Variants in PALM2AKAP2 observed in about 807,000 individuals in gnomAD.
PALM2AKAP2 encodes PALM2-AKAP2 fusion protein.
In PALM2AKAP2, 37 loss-of-function variants were observed where a neutral mutation model predicts 71.5. The observed-to-expected ratio is 0.52, with a 90% CI of 0.40 to 0.68. PALM2AKAP2 has a LOEUF of 0.68. Ranked by LOEUF, PALM2AKAP2 falls within the 30% of genes least tolerant of loss-of-function variation. The pLI is 0.00. For missense variants in PALM2AKAP2, 1,224 were observed against 1,191.8 expected, an observed-to-expected ratio of 1.03 and a Z score of -0.40; for synonymous variants, 468 against 478.8, an observed-to-expected ratio of 0.98 and a Z score of 0.29.
intron 3 of PALM2AKAP2, among the ~76,000 whole-genome samples, chr9:109,923,289 T>C (rs1036430515): frequency 3.2e-4 from 49 of 152,328 alleles, no homozygotes; most frequent in African/African-American, 9.6e-4. Flanking sequence ...CACCAGCTAT[T>C]TCTTGGCAAC....
chr9:109,746,053 C>G (rs181258942), intron 1 of PALM2AKAP2, among the ~76,000 whole-genome samples: 1 of 152,212 alleles, frequency 6.6e-6, no homozygotes, highest in Non-Finnish European at 1.5e-5. Context: ...GTGTGCTGCT[C>G]TCTCCCAGGA....
chr9:110,052,984 C>T (rs1026864020), intron 1 of PALM2AKAP2, among the ~76,000 whole-genome samples: 24 of 152,284 alleles, frequency 1.6e-4, no homozygotes, highest in East Asian at 3.9e-4. Flanking sequence ...AGAAAAGGAT[C>T]GAGTCTCTCT....
rs181370590 is a variant in PALM2AKAP2, at chr9:109,732,520, G to A, written c.6-47968G>A. Among the ~76,000 whole-genome samples, 290 of 152,286 alleles carry A rather than the reference G, an allele frequency of 1.9e-3. 1 individual carries two copies. Among genetic ancestry groups the A allele is most frequent in the Middle Eastern group, 0.014 (4 of 294 alleles). ...TGTTTGTTTATTAGATTGATGGGTG[G>A]TGGGCACGCAAGGTTAGACTAGTTA... On this transcript the variant is annotated intron_variant, in intron 1 of 6. Transcript: ENST00000374531.
At chr9:109,678,446 A>G (rs1827678757) in intron 1 of PALM2AKAP2, among the ~76,000 whole-genome samples, 2 of 152,240 alleles carry the variant, frequency 1.3e-5, no homozygotes, top group South Asian at 4.1e-4. Flanking sequence ...ATTTCACTTT[A>G]GAATGGATTT....
chr9:109,843,403 CATT>C (rs967861582), intron 1 of PALM2AKAP2, among the ~76,000 whole-genome samples: 1 of 150,708 alleles, frequency 6.6e-6, no homozygotes, highest in Non-Finnish European at 1.5e-5. Context: ...TGATTTAACA[CATT>C]ATTTCATTGT....
At chr9:110,078,309 T>C (rs1184356200) in intron 1 of PALM2AKAP2, among the ~76,000 whole-genome samples, 1 of 152,186 alleles carries the variant, frequency 6.6e-6, no homozygotes, top group Non-Finnish European at 1.5e-5. Flanking sequence ...TTCTTAGACA[T>C]AGTGAAGAAC....
intron 6 of PALM2AKAP2, among the ~76,000 whole-genome samples, chr9:109,950,895 G>A (rs1252775373): frequency 3.3e-5 from 5 of 152,196 alleles, no homozygotes; most frequent in Non-Finnish European, 4.4e-5. Flanking sequence ...AGATTAAGTG[G>A]GCAGGGAGAC....
At position 109,869,085 on chromosome 9, in the gene PALM2AKAP2, C is replaced by T. The variant is rs114357929; in HGVS notation, c.126+1514C>T. Reference sequence around the variant, plus strand: ...AAGGTGAACTTTTAAATAAGAGGACCGAATGAAAAAAGAGAGGCTGCTTTG... The same window carrying T: ...AAGGTGAACTTTTAAATAAGAGGACTGAATGAAAAAAGAGAGGCTGCTTTG... On this transcript the variant is annotated intron_variant, in intron 2 of 9. Transcript: ENST00000302798. 9.7e-3 allele frequency among the ~76,000 whole-genome samples: 1,475 copies of T among 152,094 alleles called. 24 individuals carry two copies. The highest frequency in any genetic ancestry group is 0.034 in the African/African-American group (1,426 of 41,478).
chr9:110,026,879 C>G (rs1400472709), intron 7 of PALM2AKAP2, among the ~76,000 whole-genome samples: 1 of 152,032 alleles, frequency 6.6e-6, no homozygotes, highest in Non-Finnish European at 1.5e-5. Flanking sequence ...CCCGTCTCTA[C>G]TAAAAATACA....
At chr9:109,962,145 C>T (rs1358712810) in intron 6 of PALM2AKAP2, among the ~76,000 whole-genome samples, 3 of 152,232 alleles carry the variant, frequency 2.0e-5, no homozygotes, top group African/African-American at 4.8e-5. Flanking sequence ...CATTACTGCA[C>T]AGTTGCTCAG....
intron 1 of PALM2AKAP2, among the ~76,000 whole-genome samples, chr9:109,826,903 T>C (rs189378540): frequency 6.6e-6 from 1 of 152,326 alleles, no homozygotes; most frequent in African/African-American, 2.4e-5. Context: ...ATTTTCAGAA[T>C]ACTGCCTTCT....
chr9:109,683,564 T>G, intron 1 of PALM2AKAP2, among the ~76,000 whole-genome samples: 1 of 152,202 alleles, frequency 6.6e-6, no homozygotes, highest in East Asian at 1.9e-4. Context: ...CTTTCAGCAC[T>G]GTAGAGAATA....
At chr9:109,974,983 C>T (rs1385937716) in intron 6 of PALM2AKAP2, among the ~76,000 whole-genome samples, 3 of 152,148 alleles carry the variant, frequency 2.0e-5, no homozygotes, top group African/African-American at 4.8e-5. Context: ...ACTCTACTTT[C>T]AGCTTGGTTA....
At chr9:110,071,321 A>G (rs1266015765) in intron 1 of PALM2AKAP2, among the ~76,000 whole-genome samples, 1 of 152,230 alleles carries the variant, frequency 6.6e-6, no homozygotes, top group East Asian at 1.9e-4. Flanking sequence ...TAGAGGATAC[A>G]AATAAAATTC....
chr9:110,000,816 G>C (rs1249126503), intron 6 of PALM2AKAP2, among the ~76,000 whole-genome samples: 3 of 152,134 alleles, frequency 2.0e-5, no homozygotes, highest in African/African-American at 7.2e-5. Flanking sequence ...GTCTCCTTTT[G>C]AGAAGTGTCT....
intron 6 of PALM2AKAP2, among the ~76,000 whole-genome samples, chr9:109,950,152 G>A (rs977050459): frequency 1.3e-5 from 2 of 152,040 alleles, no homozygotes; most frequent in Admixed American, 1.3e-4. Flanking sequence ...AAATTAGCCA[G>A]CATGGTGGCA....
chr9:110,163,853 A>G (rs1193223039), intron 3 of PALM2AKAP2, among the ~76,000 whole-genome samples: 1 of 152,142 alleles, frequency 6.6e-6, no homozygotes, highest in Non-Finnish European at 1.5e-5. Flanking sequence ...GTTATTATAC[A>G]TGTCTCTTTA....
At chr9:110,115,470 C>T (rs539196485) in intron 1 of PALM2AKAP2, among the ~76,000 whole-genome samples, 47 of 152,204 alleles carry the variant, frequency 3.1e-4, no homozygotes, top group Non-Finnish European at 6.0e-4. Context: ...CCTTGGCTGC[C>T]TGCCGTGTCC....
chr9:109,792,373 C>T (rs1827136101), intron 1 of PALM2AKAP2, among the ~76,000 whole-genome samples: 1 of 152,210 alleles, frequency 6.6e-6, no homozygotes. Flanking sequence ...GCGATCCTTC[C>T]ACCTCAGCTT....
Sources: gnomAD v4.1 joint callset for allele counts (sites outside exome capture counted in the v4.1 genomes callset) on GRCh38, gnomAD v4.1.1 for gene constraint, MANE v1.5 for transcripts, NCBI Gene and HGNC (gene_info 2026-07-23, HGNC 2026-07-21) for gene names.